The following ST18 variants were observed in gnomAD, a reference collection of about 807,000 sequenced individuals.
The protein encoded by ST18 is suppression of tumorigenicity 18 protein.
ST18 carries 50 observed loss-of-function variants against 110.0 expected under a neutral mutation model. That is an observed-to-expected ratio of 0.45 (90% confidence interval 0.36 to 0.58). ST18 has a LOEUF of 0.58. Ranked by LOEUF, ST18 falls within the 20% of genes least tolerant of loss-of-function variation. The probability of loss-of-function intolerance (pLI) is 0.00; values close to 1 mark genes in which losing one functional copy is unlikely to be tolerated. For synonymous variants in ST18, 461 were observed against 452.4 expected (o/e 1.02, Z -0.24); for missense variants, 1,306 against 1,280.1 (o/e 1.02, Z -0.31).
At chr8:52,354,126 A>C (rs1041360665) in intron 2 of ST18, among the ~76,000 whole-genome samples, 6 of 152,252 alleles carry the variant, frequency 3.9e-5, no homozygotes, top group African/African-American at 1.4e-4. Flanking sequence ...GGACCGAGTT[A>C]TGTGCTCACC....
At chr8:52,161,654 GTGTCACTCC>G in intron 13 of ST18, 86 bp from the exon 14 acceptor site, 1 of 1,436,466 alleles carries the variant, frequency 7.0e-7, no homozygotes, top group Non-Finnish European at 9.5e-7. Flanking sequence ...GTAGATACAT[GTGTCACTCC>G]TGAAGGTATC....
chr8:52,396,912 T>C (rs764298201), intron 2 of ST18, among the ~76,000 whole-genome samples: 1 of 152,238 alleles, frequency 6.6e-6, no homozygotes, highest in African/African-American at 2.4e-5. Context: ...TTCCATATCT[T>C]GGCTATTGTG....
At chr8:52,347,030 T>C (rs1468456148) in intron 2 of ST18, among the ~76,000 whole-genome samples, 1 of 152,230 alleles carries the variant, frequency 6.6e-6, no homozygotes, top group African/African-American at 2.4e-5. Flanking sequence ...AAAGAGTTCA[T>C]TTGACCTTGA....
At position 52,143,636 on chromosome 8, in the gene ST18, T is replaced by C. The variant is rs536138191; in HGVS notation, c.2053-591A>G. On this transcript the variant is annotated intron_variant, in intron 16 of 25. Coordinates refer to ENST00000689386, the MANE Select transcript of ST18 (RefSeq NM_001352837.2). ...TGGCAAATATGATTACAGAGGTAGG[T>C]ATTTCTTGACCCATGTAATTAATAT... Among the ~76,000 whole-genome samples the C allele has an allele frequency of 9.1e-4, 138 of 152,340 alleles. 4 individuals carry two copies. In the South Asian group the frequency reaches 0.027, roughly 29 times the overall value.
At chr8:52,275,495 G>C (rs894659837) in intron 2 of ST18, among the ~76,000 whole-genome samples, 2 of 152,156 alleles carry the variant, frequency 1.3e-5, no homozygotes, top group African/African-American at 4.8e-5. Context: ...ACAGCTGAAG[G>C]TCCAAACCAT....
At position 52,116,360 on chromosome 8, in the gene ST18, T is replaced by C. The variant is rs2130435343; in HGVS notation, c.2918A>G (p.Gln973Arg). 1 of 1,614,078 alleles carries C rather than the reference T, an allele frequency of 6.2e-7. No individual in the cohort carries two copies. The highest frequency in any genetic ancestry group is 2.2e-5 in the East Asian group (1 of 44,872). The change falls in exon 25 of 26, where the codon CAG (glutamine) becomes CGG (arginine). Residue 973 changes from glutamine to arginine, a missense_variant. Transcript: ENST00000689386. ...CTCTTTCAGCAGACTTTCATTGTTC[T>C]GTTCTATGAGTTTGTTCTCCTCCTC... ...TIEEENKLIEQNNESLLKELA... is the reference protein window; with the variant it reads ...TIEEENKLIERNNESLLKELA...
At chr8:52,279,374 C>T (rs553837373) in intron 2 of ST18, among the ~76,000 whole-genome samples, 15 of 152,108 alleles carry the variant, frequency 9.9e-5, no homozygotes, top group Admixed American at 7.2e-4. Context: ...ATAGCACAAA[C>T]AGATATGGAG....
intron 24 of ST18, among the ~76,000 whole-genome samples, chr8:52,116,785 C>A (rs1453029253): frequency 6.6e-6 from 1 of 152,170 alleles, no homozygotes; most frequent in East Asian, 1.9e-4. Flanking sequence ...CCCCCCATGG[C>A]TCTTTCTTTC....
chr8:52,231,736 A>G (rs2091433191), intron 2 of ST18, among the ~76,000 whole-genome samples: 1 of 152,152 alleles, frequency 6.6e-6, no homozygotes, highest in Non-Finnish European at 1.5e-5. Flanking sequence ...CGGCCTCCCA[A>G]GGTGCTGGGA....
intron 2 of ST18, among the ~76,000 whole-genome samples, chr8:52,398,826 T>C (rs1842005076): frequency 6.6e-6 from 1 of 152,154 alleles, no homozygotes; most frequent in Non-Finnish European, 1.5e-5. Context: ...GATGCATTGC[T>C]GAATTGAGTT....
intron 2 of ST18, among the ~76,000 whole-genome samples, chr8:52,307,471 A>G (rs2095833360): frequency 6.6e-6 from 1 of 152,220 alleles, no homozygotes; most frequent in African/African-American, 2.4e-5. Context: ...CACATTATAT[A>G]TCATAAGAGT....
intron 2 of ST18, chr8:52,405,215 T>C (rs923965788): frequency 1.1e-4 from 16 of 152,344 alleles, no homozygotes; most frequent in Non-Finnish European, 8.8e-5. Context: ...TCAGGATTCA[T>C]ATATCTCTTT....
chr8:52,331,402 C>T (rs1383679288), intron 2 of ST18, among the ~76,000 whole-genome samples: 1 of 151,708 alleles, frequency 6.6e-6, no homozygotes. Context: ...TGTTAAGGTC[C>T]ATGTGAATAC....
intron 11 of ST18, among the ~76,000 whole-genome samples, chr8:52,166,105 C>T (rs1342013056): frequency 1.3e-5 from 2 of 152,162 alleles, no homozygotes; most frequent in African/African-American, 4.8e-5. Flanking sequence ...CTCTGTGATG[C>T]GTCAAGGCTG....
At chr8:52,135,528 C>T (rs1186885951) in intron 19 of ST18, among the ~76,000 whole-genome samples, 19 of 145,078 alleles carry the variant, frequency 1.3e-4, no homozygotes, top group Non-Finnish European at 2.7e-4. Context: ...CCGTTGCACT[C>T]CAGCCTGGGC....
chr8:52,308,823 C>T (rs1278552199), intron 2 of ST18, among the ~76,000 whole-genome samples: 1 of 152,220 alleles, frequency 6.6e-6, no homozygotes, highest in East Asian at 1.9e-4. Context: ...TCCATATTTG[C>T]TGTCCAGGTG....
At chr8:52,282,721 G>GGGTGAGTCATCGGGAA (rs1207999161) in intron 2 of ST18, among the ~76,000 whole-genome samples, 97 of 152,214 alleles carry the variant, frequency 6.4e-4, no homozygotes, top group Non-Finnish European at 2.1e-4. Context: ...AGTGCCGCTG[G>GGGTGAGTCATCGGGAA]GGTGAGTCAT....
At chr8:52,122,846 G>A (rs1370107882) in intron 23 of ST18, among the ~76,000 whole-genome samples, 1 of 151,822 alleles carries the variant, frequency 6.6e-6, no homozygotes, top group Non-Finnish European at 1.5e-5. Flanking sequence ...TTTATTTAGG[G>A]GAAAATGAGT....
At chr8:52,315,758 C>T (rs1290594894) in intron 2 of ST18, among the ~76,000 whole-genome samples, 3 of 152,170 alleles carry the variant, frequency 2.0e-5, no homozygotes, top group African/African-American at 7.2e-5. Context: ...AGCTATATAG[C>T]TGTCAAGCAA....
Sources: gnomAD v4.1 joint callset for allele counts (sites outside exome capture counted in the v4.1 genomes callset) on GRCh38, gnomAD v4.1.1 for gene constraint, MANE v1.5 for transcripts, NCBI Gene and HGNC (gene_info 2026-07-23, HGNC 2026-07-21) for gene names.